DRC11: variants seen among roughly 807,000 people sequenced by gnomAD.
DRC11 encodes the protein IQ and AAA domain-containing protein 1.
At chr2:236,485,908 T>C in the DRC11 span, among the ~76,000 whole-genome samples, 1 of 152,118 alleles carries the variant, frequency 6.6e-6, no homozygotes, top group African/African-American at 2.4e-5. Context: ...GCAGACAGAC[T>C]CTAAGATGGT....
At chr2:236,464,497 G>T in the DRC11 span, among the ~76,000 whole-genome samples, 2 of 148,858 alleles carry the variant, frequency 1.3e-5, no homozygotes, top group African/African-American at 2.4e-5. Flanking sequence ...GTTCTGCTGT[G>T]TAGAAAAATT....
At chr2:236,499,436 CTTTTTT>C in the DRC11 span, among the ~76,000 whole-genome samples, 2 of 152,116 alleles carry the variant, frequency 1.3e-5, no homozygotes, top group Non-Finnish European at 2.9e-5. The surrounding 1 kb of genome is among the most constrained non-coding windows in gnomAD (Gnocchi z 4.7). Context: ...CCCACATTTT[CTTTTTT>C]TCTTTTTAGA....
At chr2:236,353,456 G>C in the DRC11 span, among the ~76,000 whole-genome samples, 4 of 152,030 alleles carry the variant, frequency 2.6e-5, no homozygotes, top group South Asian at 8.3e-4. This position sits in a 1 kb window ranked among gnomAD's most constrained non-coding sequence, Gnocchi z 5.0. Context: ...GATTCTCAGG[G>C]GATAATGGCT....
the DRC11 span, among the ~76,000 whole-genome samples, chr2:236,427,393 CAT>C: frequency 2.6e-5 from 4 of 152,064 alleles, no homozygotes; most frequent in African/African-American, 9.7e-5. This position sits in a 1 kb window ranked among gnomAD's most constrained non-coding sequence, Gnocchi z 5.9. Context: ...CACAAGAAGC[CAT>C]TTTATCCTGG....
chr2:236,494,005 C>A, the DRC11 span: 2 of 813,804 alleles, frequency 2.5e-6, no homozygotes, highest in Non-Finnish European at 1.7e-6. The surrounding 1 kb of genome is among the most constrained non-coding windows in gnomAD (Gnocchi z 4.2). Flanking sequence ...TTCCCATTTT[C>A]ATTTAAGAAA....
the DRC11 span, among the ~76,000 whole-genome samples, chr2:236,362,160 G>C: frequency 1.3e-5 from 2 of 152,112 alleles, no homozygotes; most frequent in Non-Finnish European, 2.9e-5. The surrounding 1 kb of genome is among the most constrained non-coding windows in gnomAD (Gnocchi z 5.7). Flanking sequence ...TATAGTTGGA[G>C]AGCTCCTCAA....
At chr2:236,459,697 A>T in the DRC11 span, among the ~76,000 whole-genome samples, 3 of 133,262 alleles carry the variant, frequency 2.3e-5, no homozygotes, top group Non-Finnish European at 5.0e-5. Flanking sequence ...ACATATATAC[A>T]TATATACGTA....
At chr2:236,433,478 C>G in the DRC11 span, among the ~76,000 whole-genome samples, 1 of 152,112 alleles carries the variant, frequency 6.6e-6, no homozygotes, top group Admixed American at 6.6e-5. Context: ...TAAGCTTATT[C>G]CTGGGCATTT....
the DRC11 span, among the ~76,000 whole-genome samples, chr2:236,491,059 T>C: frequency 2.2e-4 from 30 of 138,220 alleles, no homozygotes; most frequent in East Asian, 1.0e-3. Context: ...TATATATATA[T>C]ACACACAGTA....
the DRC11 span, chr2:236,377,139 T>A: frequency 6.2e-7 from 1 of 1,612,842 alleles, no homozygotes; most frequent in Non-Finnish European, 8.5e-7. The surrounding 1 kb of genome is among the most constrained non-coding windows in gnomAD (Gnocchi z 4.9). Context: ...AGAGCCTGGA[T>A]CAGTAATCCT....
chr2:236,386,648 G>A, the DRC11 span, among the ~76,000 whole-genome samples: 2 of 151,506 alleles, frequency 1.3e-5, no homozygotes, highest in East Asian at 1.9e-4. Context: ...AGTGTTTTTT[G>A]TGTCTCTATT....
the DRC11 span, chr2:236,503,692 A>C: frequency 6.4e-7 from 1 of 1,550,702 alleles, no homozygotes; most frequent in Non-Finnish European, 8.7e-7. The surrounding 1 kb of genome is among the most constrained non-coding windows in gnomAD (Gnocchi z 4.9). Context: ...TTCCCTCGAG[A>C]CTGTCTCTGG....
the DRC11 span, among the ~76,000 whole-genome samples, chr2:236,452,480 G>A: frequency 6.6e-6 from 1 of 152,152 alleles, no homozygotes; most frequent in African/African-American, 2.4e-5. This position sits in a 1 kb window ranked among gnomAD's most constrained non-coding sequence, Gnocchi z 4.7. Flanking sequence ...TTTTTCCTGC[G>A]TTCTAAAGAA....
the DRC11 span, among the ~76,000 whole-genome samples, chr2:236,451,263 C>T: frequency 2.6e-5 from 4 of 151,934 alleles, no homozygotes; most frequent in South Asian, 2.1e-4. Context: ...CCTTTCCTTT[C>T]CTGGGAAGAC....
chr2:236,419,222 T>C, the DRC11 span: 20 of 1,546,092 alleles, frequency 1.3e-5, no homozygotes, highest in East Asian at 4.4e-4. This position sits in a 1 kb window ranked among gnomAD's most constrained non-coding sequence, Gnocchi z 4.8. Flanking sequence ...CTTCTTCTTC[T>C]TTTTGTTTTT....
chr2:236,354,418 C>T, the DRC11 span, among the ~76,000 whole-genome samples: 1 of 152,004 alleles, frequency 6.6e-6, no homozygotes, highest in East Asian at 1.9e-4. Context: ...AGACTGTGTT[C>T]AATGGGAAGG....
chr2:236,412,082 A>T, the DRC11 span, among the ~76,000 whole-genome samples: 2 of 151,934 alleles, frequency 1.3e-5, no homozygotes, highest in African/African-American at 4.8e-5. Context: ...GTTTGTAGGG[A>T]TGGGGGTCTC....
At chr2:236,478,649 T>A in the DRC11 span, among the ~76,000 whole-genome samples, 29 of 152,296 alleles carry the variant, frequency 1.9e-4, no homozygotes, top group African/African-American at 6.3e-4. This position sits in a 1 kb window ranked among gnomAD's most constrained non-coding sequence, Gnocchi z 5.9. Flanking sequence ...CTACCTACTA[T>A]TATTGTATTG....
chr2:236,446,575 C>T, the DRC11 span, among the ~76,000 whole-genome samples: 1 of 152,244 alleles, frequency 6.6e-6, no homozygotes, highest in African/African-American at 2.4e-5. This position sits in a 1 kb window ranked among gnomAD's most constrained non-coding sequence, Gnocchi z 6.2. Context: ...TTCTCAGGGT[C>T]TCAGGCCCCT....
Sources: gnomAD v4.1 joint callset for allele counts (sites outside exome capture counted in the v4.1 genomes callset) on GRCh38, gnomAD v4.1.1 for gene constraint, Gnocchi (gnomAD v3.1) non-coding constraint, MANE v1.5 for transcripts, NCBI Gene and HGNC (gene_info 2026-07-23, HGNC 2026-07-21) for gene names.